The following STAG1 variants were observed in gnomAD, a reference collection of about 807,000 sequenced individuals.
STAG1 encodes cohesin subunit SA-1.
Under a neutral mutation model 170.9 loss-of-function variants are expected in STAG1, and 26 were observed. The ratio of observed to expected loss-of-function variants is 0.15; its 90% confidence interval spans 0.11 to 0.21. The LOEUF is 0.21. Among genes scored for constraint, STAG1 ranks in the 10% least tolerant of loss-of-function variants. The pLI, the probability that STAG1 is intolerant of heterozygous loss-of-function variation, is 1.00. For missense variants in STAG1, 964 were observed against 1,509.5 expected, an observed-to-expected ratio of 0.64 and a Z score of 5.99; for synonymous variants, 514 against 497.7, an observed-to-expected ratio of 1.03 and a Z score of -0.44.
In STAG1 at chr3:136,663,738, G is replaced by GA. The variant is rs543361912; in HGVS notation, c.-83-32758_-83-32757insT. Among the ~76,000 whole-genome samples, 174 of 152,164 alleles carry GA rather than the reference G, an allele frequency of 1.1e-3. 1 individual carries two copies. The highest frequency in any genetic ancestry group is 4.0e-3 in the African/African-American group (166 of 41,528). ...CTCTTTGTTCCACCCTTGATCTTCAGGTAACAACAGAAAGCTGTTTTATTT... is the reference window on the plus strand; with the variant it reads ...CTCTTTGTTCCACCCTTGATCTTCAGAGTAACAACAGAAAGCTGTTTTATTT... On this transcript the variant is annotated intron_variant, in intron 1 of 33. Coordinates refer to ENST00000383202, the MANE Select transcript of STAG1 (RefSeq NM_005862.3).
rs144520031 is a variant in STAG1 at position 136,490,569 on chromosome 3, T to C, written c.902+9654A>G. 1.8e-4 allele frequency among the ~76,000 whole-genome samples: 27 copies of C among 152,312 alleles called. No individual in the cohort carries two copies. In the East Asian group the frequency reaches 4.2e-3, roughly 24 times the overall value. On this transcript the variant is annotated intron_variant, in intron 9 of 33. Transcript: ENST00000383202. ...AAGATTAAAAATCAAATGTCAAAGATACATTAGCTTTCAAAGAAAAATATC... is the reference window on the plus strand; with the variant it reads ...AAGATTAAAAATCAAATGTCAAAGACACATTAGCTTTCAAAGAAAAATATC...
At chr3:136,649,612 A>T (rs145321972) in intron 1 of STAG1, among the ~76,000 whole-genome samples, 5 of 151,160 alleles carry the variant, frequency 3.3e-5, no homozygotes, top group African/African-American at 1.2e-4. Flanking sequence ...TTGTATATTT[A>T]AAAAACTAAT....
At chr3:136,546,090 T>C (rs1037610636) in intron 5 of STAG1, among the ~76,000 whole-genome samples, 1 of 152,168 alleles carries the variant, frequency 6.6e-6, no homozygotes, top group East Asian at 1.9e-4. Flanking sequence ...CATGCTAGTA[T>C]AGCCCAGGGC....
At chr3:136,684,216 AAT>A (rs1559949684) in intron 1 of STAG1, among the ~76,000 whole-genome samples, 1 of 152,226 alleles carries the variant, frequency 6.6e-6, no homozygotes, top group Non-Finnish European at 1.5e-5. Context: ...TAAAGTAGCC[AAT>A]ATGATACTGA....
chr3:136,592,349 T>C (rs1938226243), intron 4 of STAG1, among the ~76,000 whole-genome samples: 1 of 152,148 alleles, frequency 6.6e-6, no homozygotes, highest in Admixed American at 6.6e-5. Context: ...CTGATGGTTT[T>C]ATAAGCATCT....
At chr3:136,657,189 CTTTTTTT>C (rs67826395) in intron 1 of STAG1, among the ~76,000 whole-genome samples, 21 of 92,260 alleles carry the variant, frequency 2.3e-4, no homozygotes, top group East Asian at 1.1e-3. Context: ...TTCTTTCTTT[CTTTTTTT>C]TTTTTTTTTT....
chr3:136,551,165 C>CT (rs750035148), intron 5 of STAG1, among the ~76,000 whole-genome samples: 2,505 of 79,098 alleles, frequency 0.032, 156 homozygotes, highest in African/African-American at 0.085. Context: ...TTTTTAACTC[C>CT]TTTTTTTTTT....
chr3:136,443,055 C>T (rs902078427), intron 15 of STAG1, among the ~76,000 whole-genome samples: 3 of 152,074 alleles, frequency 2.0e-5, no homozygotes, highest in African/African-American at 4.8e-5. Flanking sequence ...TTGACTATTA[C>T]ATGACACGCA....
At chr3:136,726,619 T>G (rs1933703551) in intron 1 of STAG1, among the ~76,000 whole-genome samples, 1 of 152,184 alleles carries the variant, frequency 6.6e-6, no homozygotes, top group Non-Finnish European at 1.5e-5. Flanking sequence ...AGATGGGGTT[T>G]TGCCATGTTG....
chr3:136,502,739 G>A lies in STAG1; in HGVS notation c.717C>T (p.Asn239=), dbSNP rs749102818. ...LMTALVNVAL[N]LSIHQDNTQR... is the part of the protein sequence containing the mutation. ...GGGTATTATCCTGATGAATACTGAG[G>A]TTTAAGGCAACATTCACCAGAGCAG... Residue 239 remains asparagine (N), a synonymous_variant, in exon 8 of 34, where the codon AAC becomes AAT. Transcript: ENST00000383202. 7 of 1,612,370 alleles carry A rather than the reference G, an allele frequency of 4.3e-6. No homozygotes were observed. The highest frequency in any genetic ancestry group is 5.9e-6 in the Non-Finnish European group (7 of 1,179,310).
intron 21 of STAG1, among the ~76,000 whole-genome samples, chr3:136,400,280 T>G (rs777800623): frequency 6.6e-6 from 1 of 152,140 alleles, no homozygotes; most frequent in Non-Finnish European, 1.5e-5. Flanking sequence ...CAGGCTGCAG[T>G]GCAGTGGCGT....
chr3:136,477,954 T>C (rs918728927), intron 9 of STAG1, among the ~76,000 whole-genome samples: 6 of 151,892 alleles, frequency 4.0e-5, no homozygotes, highest in African/African-American at 1.5e-4. Context: ...CACACCTGAG[T>C]AATTTTTGTA....
intron 1 of STAG1, among the ~76,000 whole-genome samples, chr3:136,716,340 G>A (rs1219171251): frequency 6.6e-6 from 1 of 151,988 alleles, no homozygotes; most frequent in Non-Finnish European, 1.5e-5. Context: ...GCGGGTGCCT[G>A]CAGTGCCAGC....
rs572369124 is a variant in STAG1, at chr3:136,400,454, C to T, written c.2197-1625G>A. Reference sequence around the variant, plus strand: ...CAGGCTGGTCTCGAACTTCTGAGATCAGGCAATCTGCCCACCTCTGCCTCC... The same window carrying T: ...CAGGCTGGTCTCGAACTTCTGAGATTAGGCAATCTGCCCACCTCTGCCTCC... On this transcript the variant is annotated intron_variant, in intron 21 of 33. Coordinates refer to ENST00000383202, the MANE Select transcript of STAG1 (RefSeq NM_005862.3). Among the ~76,000 whole-genome samples, 35 of 152,200 alleles carry T rather than the reference C, an allele frequency of 2.3e-4. No homozygotes were observed. The South Asian group carries it at 6.6e-3, about 29-fold the overall frequency.
intron 7 of STAG1, 152 bp downstream of exon 7, chr3:136,521,061 A>T: frequency 1.5e-6 from 1 of 681,530 alleles, no homozygotes; most frequent in Non-Finnish European, 2.4e-6. Flanking sequence ...AATGCCAGTT[A>T]TGAAAACAGG....
chr3:136,676,439 T>C (rs933749423), intron 1 of STAG1, among the ~76,000 whole-genome samples: 1 of 152,196 alleles, frequency 6.6e-6, no homozygotes, highest in Admixed American at 6.6e-5. Context: ...ATTGTCTGGA[T>C]ATACAAAAAT....
chr3:136,497,683 AAAAAT>A (rs1933191808), intron 9 of STAG1, among the ~76,000 whole-genome samples: 1 of 151,664 alleles, frequency 6.6e-6, no homozygotes, highest in Admixed American at 6.6e-5. Context: ...TAGTTAAAAA[AAAAAT>A]AAAATAAATA....
intron 14 of STAG1, among the ~76,000 whole-genome samples, chr3:136,444,901 C>T (rs537588572): frequency 2.0e-5 from 3 of 152,136 alleles, no homozygotes; most frequent in East Asian, 3.9e-4. Context: ...CACAGTGTTG[C>T]GCAGCCTGGA....
intron 16 of STAG1, among the ~76,000 whole-genome samples, chr3:136,429,122 G>T (rs188638421): frequency 2.1e-4 from 32 of 150,276 alleles, no homozygotes; most frequent in African/African-American, 7.6e-4. Flanking sequence ...GGAACAGAGC[G>T]CAGGCTGGGA....
Sources: allele counts gnomAD v4.1 joint callset (sites outside exome capture counted in the v4.1 genomes callset), GRCh38; gene constraint gnomAD v4.1.1; transcripts MANE v1.5; gene names NCBI Gene and HGNC (gene_info 2026-07-23, HGNC 2026-07-21).